The following CLASP1 variants were observed in gnomAD, a reference collection of about 807,000 sequenced individuals.
CLASP1 encodes CLIP-associating protein 1.
A neutral mutation model predicts 192.3 loss-of-function variants in CLASP1; 38 were observed. The ratio of observed to expected loss-of-function variants is 0.20; its 90% confidence interval spans 0.15 to 0.26. CLASP1 has a LOEUF of 0.26. CLASP1 is among the 10% of genes least tolerant of loss of function. The probability of loss-of-function intolerance (pLI) is 1.00; values close to 1 mark genes in which losing one functional copy is unlikely to be tolerated. For missense variants in CLASP1, 1,433 were observed against 1,932.5 expected, an observed-to-expected ratio of 0.74 and a Z score of 4.85; for synonymous variants, 691 against 712.8, an observed-to-expected ratio of 0.97 and a Z score of 0.49.
chr2:121,530,981 C>G (rs148828161), intron 2 of CLASP1: 9 of 700,310 alleles, frequency 1.3e-5, no homozygotes, highest in Admixed American at 2.0e-5. Context: ...AGAGCTTTTG[C>G]TTTATTTTGG....
chr2:121,363,214 C>A, exon 37 of CLASP1: 1 of 1,613,992 alleles, frequency 6.2e-7, no homozygotes, highest in East Asian at 2.2e-5. Context: ...TCTTCATAAT[C>A]GTCAGCTCGG....
At chr2:121,497,156 C>T (rs756419417) in intron 8 of CLASP1, among the ~76,000 whole-genome samples, 6 of 151,920 alleles carry the variant, frequency 3.9e-5, no homozygotes, top group South Asian at 2.1e-4. Flanking sequence ...TGGTAAAGAT[C>T]GTTAATTATA....
intron 19 of CLASP1, among the ~76,000 whole-genome samples, chr2:121,430,741 T>C (rs1489561566): frequency 2.6e-5 from 4 of 152,082 alleles, no homozygotes; most frequent in African/African-American, 7.2e-5. Flanking sequence ...TTTTAAAGCA[T>C]GTAAGTCAGT....
intron 30 of CLASP1, among the ~76,000 whole-genome samples, chr2:121,391,762 G>T (rs917675673): frequency 6.6e-6 from 1 of 152,084 alleles, no homozygotes; most frequent in African/African-American, 2.4e-5. Flanking sequence ...AAATTAGCTG[G>T]GTGTGGTGGC....
intron 30 of CLASP1, among the ~76,000 whole-genome samples, chr2:121,394,127 G>C (rs1003473620): frequency 5.3e-5 from 8 of 152,132 alleles, no homozygotes; most frequent in Non-Finnish European, 1.0e-4. Flanking sequence ...CCCACCCTTA[G>C]AGTGAGCGGG....
chr2:121,435,629 C>T (rs1221210279), intron 19 of CLASP1, among the ~76,000 whole-genome samples: 1 of 152,116 alleles, frequency 6.6e-6, no homozygotes, highest in Non-Finnish European at 1.5e-5. Flanking sequence ...TTCCTTTTAT[C>T]CTCTCCTTTG....
At chr2:121,490,925 C>CT (rs2093271710) in intron 8 of CLASP1, among the ~76,000 whole-genome samples, 1 of 152,186 alleles carries the variant, frequency 6.6e-6, no homozygotes, top group Non-Finnish European at 1.5e-5. Flanking sequence ...TATTCACAAT[C>CT]ATTGCTTTTA....
chr2:121,478,149 C>T (rs1039850279), intron 8 of CLASP1, among the ~76,000 whole-genome samples: 3 of 152,132 alleles, frequency 2.0e-5, no homozygotes, highest in Non-Finnish European at 2.9e-5. Flanking sequence ...CCATGTGCGA[C>T]TTATCCCAGG....
At chr2:121,370,293 T>C (rs1309667950) in intron 34 of CLASP1, among the ~76,000 whole-genome samples, 1 of 152,200 alleles carries the variant, frequency 6.6e-6, no homozygotes, top group Admixed American at 6.5e-5. Flanking sequence ...GTGGCTAAGA[T>C]GGTGAATTGT....
intron 33 of CLASP1, among the ~76,000 whole-genome samples, chr2:121,381,726 A>G (rs1250819239): frequency 2.6e-5 from 4 of 152,220 alleles, no homozygotes; most frequent in Non-Finnish European, 5.9e-5. Context: ...GACTACCCTC[A>G]TATGACAGTA....
chr2:121,434,376 C>T (rs2081962397), intron 19 of CLASP1, among the ~76,000 whole-genome samples: 1 of 152,098 alleles, frequency 6.6e-6, no homozygotes, highest in Admixed American at 6.5e-5. Flanking sequence ...CCACCTTAGC[C>T]TTCTAGTAGC....
At chr2:121,485,145 T>A (rs1457259856) in intron 8 of CLASP1, among the ~76,000 whole-genome samples, 1 of 152,182 alleles carries the variant, frequency 6.6e-6, no homozygotes, top group Non-Finnish European at 1.5e-5. Flanking sequence ...CATAACCTCA[T>A]CTACATGGGA....
At position 121,637,385 on chromosome 2, in the gene CLASP1, C is replaced by T. The variant is rs149530041; in HGVS notation, c.-286+11987G>A. Among the ~76,000 whole-genome samples the T allele has an allele frequency of 2.6e-5, 4 of 152,062 alleles. No individual in the cohort carries two copies. The East Asian group carries it at 7.7e-4, about 29-fold the overall frequency. ...TTATATTGGTCTTCAACAAATGGTA[C>T]TAGGACAACTGGCTATCTACATGAA... On this transcript the variant is annotated intron_variant, in intron 1 of 39. Coordinates refer to ENST00000263710, the Ensembl canonical transcript of CLASP1.
chr2:121,453,277 C>A (rs1345889899), intron 14 of CLASP1, among the ~76,000 whole-genome samples: 1 of 152,152 alleles, frequency 6.6e-6, no homozygotes, highest in Non-Finnish European at 1.5e-5. Context: ...TTTAGGGAAC[C>A]AAGTCAGACC....
exon 40 of CLASP1, chr2:121,340,693 ATACCAGTAAGATTC>A: frequency 3.3e-6 from 2 of 597,814 alleles, no homozygotes; most frequent in Non-Finnish European, 6.0e-6. Context: ...TTTACATTCA[ATACCAGTAAGATTC>A]TACAGAAAAG....
intron 30 of CLASP1, among the ~76,000 whole-genome samples, chr2:121,392,604 C>T (rs987390850): frequency 6.6e-6 from 1 of 152,156 alleles, no homozygotes; most frequent in Non-Finnish European, 1.5e-5. Flanking sequence ...TCCGATTTTA[C>T]AGATAATAAA....
intron 9 of CLASP1, among the ~76,000 whole-genome samples, chr2:121,463,463 G>A (rs1406987562): frequency 6.6e-6 from 1 of 152,188 alleles, no homozygotes; most frequent in Non-Finnish European, 1.5e-5. Flanking sequence ...CACTCACACT[G>A]TGGAAAAGCT....
intron 25 of CLASP1, among the ~76,000 whole-genome samples, chr2:121,404,890 A>G (rs2076689583): frequency 6.6e-6 from 1 of 152,246 alleles, no homozygotes; most frequent in Admixed American, 6.5e-5. Context: ...GCAATGGAAT[A>G]AAGTTTAAAA....
At chr2:121,381,090 G>A (rs374114261) in intron 33 of CLASP1, among the ~76,000 whole-genome samples, 1 of 152,262 alleles carries the variant, frequency 6.6e-6, no homozygotes, top group East Asian at 1.9e-4. Context: ...TCGCCTGCTT[G>A]CCCTAACCTT....
Sources: gnomAD v4.1 joint callset for allele counts (sites outside exome capture counted in the v4.1 genomes callset) on GRCh38, gnomAD v4.1.1 for gene constraint, MANE v1.5 for transcripts, NCBI Gene and HGNC (gene_info 2026-07-23, HGNC 2026-07-21) for gene names.